The following SPATA6L variants were observed in gnomAD, a reference collection of about 807,000 sequenced individuals.
The protein encoded by SPATA6L is spermatogenesis associated 6-like protein.
SPATA6L carries 68 observed loss-of-function variants against 49.2 expected under a neutral mutation model. The ratio of observed to expected loss-of-function variants is 1.38; its 90% CI spans 1.14 to 1.69. The LOEUF (loss-of-function observed/expected upper bound fraction) is 1.69. Among genes scored for constraint, SPATA6L ranks in the 40% most tolerant of loss-of-function variants. SPATA6L has a pLI of 0.00. For synonymous variants in SPATA6L, 198 were observed against 165.7 expected, an observed-to-expected ratio of 1.19 and a Z score of -1.50; for missense variants, 668 against 464.3, an observed-to-expected ratio of 1.44 and a Z score of -4.03.
At chr9:4,656,741 T>G (rs1206318714) in intron 2 of SPATA6L, among the ~76,000 whole-genome samples, 2 of 152,226 alleles carry the variant, frequency 1.3e-5, no homozygotes, top group Non-Finnish European at 2.9e-5. Context: ...TACTGTTTGT[T>G]GCTAAAAGCC....
At chr9:4,644,677 T>TC (rs1456415507) in intron 3 of SPATA6L, among the ~76,000 whole-genome samples, 187 of 132,880 alleles carry the variant, frequency 1.4e-3, no homozygotes, top group African/African-American at 6.2e-3. Flanking sequence ...TCTCTCTCTC[T>TC]CTCTCTCTCA....
At chr9:4,605,462 G>C in intron 9 of SPATA6L, 22 bp from the exon 10 acceptor site, 1 of 1,566,944 alleles carries the variant, frequency 6.4e-7, no homozygotes. Flanking sequence ...ATGGAACAGG[G>C]TGGAATATTA....
At chr9:4,601,770 G>A (rs189104825) in intron 11 of SPATA6L, among the ~76,000 whole-genome samples, 2 of 152,186 alleles carry the variant, frequency 1.3e-5, no homozygotes, top group African/African-American at 2.4e-5. Flanking sequence ...TGGGTTGTGT[G>A]TGGGGGATGC....
At chr9:4,627,248 G>C (rs1305947462) in intron 5 of SPATA6L, 1 of 154,048 alleles carries the variant, frequency 6.5e-6, no homozygotes, top group Non-Finnish European at 1.4e-5. Flanking sequence ...TGGTAGAATG[G>C]AAGAGAAAGA....
intron 3 of SPATA6L, among the ~76,000 whole-genome samples, chr9:4,649,907 G>C (rs1170840260): frequency 6.6e-6 from 1 of 152,138 alleles, no homozygotes; most frequent in Non-Finnish European, 1.5e-5. Context: ...ATTTAAAGAG[G>C]CTTGAGAGAA....
intron 9 of SPATA6L, among the ~76,000 whole-genome samples, chr9:4,609,984 T>C (rs1408877757): frequency 4.0e-5 from 6 of 151,760 alleles, no homozygotes; most frequent in Non-Finnish European, 5.9e-5. Flanking sequence ...AAATCACAAG[T>C]ATTCTTATAC....
At position 4,626,536 on chromosome 9, in the gene SPATA6L, T is replaced by G. The variant is rs1048518266; in HGVS notation, c.430-970A>C. ...TCTGTGTTCTTGCTGAACCAACATC[T>G]TCCCTTTGTTTCCCCAGCCCTAGGG... On this transcript the variant is annotated intron_variant, in intron 5 of 11. Coordinates refer to ENST00000682582, the MANE Select transcript of SPATA6L (RefSeq NM_001353486.2). 5.4e-6 allele frequency: 7 copies of G among 1,304,050 alleles called. No homozygotes were observed. The Admixed American group carries it at 1.6e-4, about 30-fold the overall frequency. The allele number at this position is 1,304,050 out of a possible 1,614,324, so 80.8% of individuals were successfully genotyped here. A position where few individuals can be genotyped will look rare whatever the true frequency, so the allele number is the denominator to read the frequency against.
intron 3 of SPATA6L, among the ~76,000 whole-genome samples, chr9:4,636,180 G>T: frequency 6.6e-6 from 1 of 151,440 alleles, no homozygotes; most frequent in East Asian, 1.9e-4. Flanking sequence ...AGGAACAATT[G>T]TATTTTGTTT....
chr9:4,632,034 C>CTTTTTTTTTTTTTTT (rs905629115), intron 4 of SPATA6L, among the ~76,000 whole-genome samples: 1 of 113,020 alleles, frequency 8.8e-6, no homozygotes, highest in Non-Finnish European at 1.7e-5. Context: ...ACATCAGCTA[C>CTTTTTTTTTTTTTTT]TTTTTTTTTT....
At chr9:4,648,507 G>A (rs576352187) in intron 3 of SPATA6L, among the ~76,000 whole-genome samples, 1 of 148,498 alleles carries the variant, frequency 6.7e-6, no homozygotes, top group South Asian at 2.1e-4. Flanking sequence ...AGACCATCCT[G>A]GTCTAACTCG....
At chr9:4,603,705 A>AT (rs1823948138) in intron 11 of SPATA6L, among the ~76,000 whole-genome samples, 1 of 152,232 alleles carries the variant, frequency 6.6e-6, no homozygotes, top group Non-Finnish European at 1.5e-5. Context: ...TAAAAATATA[A>AT]TAAGAAATTG....
intron 5 of SPATA6L, chr9:4,628,792 T>C: frequency 3.8e-6 from 1 of 264,848 alleles, no homozygotes; most frequent in Non-Finnish European, 7.0e-6. Flanking sequence ...CAAGTAAATG[T>C]CATAGAACAA....
intron 9 of SPATA6L, among the ~76,000 whole-genome samples, chr9:4,609,276 A>T (rs549398012): frequency 8.6e-4 from 130 of 151,412 alleles, no homozygotes; most frequent in African/African-American, 3.1e-3. Context: ...AAAAGAGGGA[A>T]TCCTCCCTAA....
intron 4 of SPATA6L, among the ~76,000 whole-genome samples, chr9:4,630,727 C>G (rs928163222): frequency 6.6e-6 from 1 of 152,174 alleles, no homozygotes; most frequent in African/African-American, 2.4e-5. Context: ...GAAAAGAAGC[C>G]AACACCTACT....
chr9:4,609,027 A>C (rs1282365421), intron 9 of SPATA6L, among the ~76,000 whole-genome samples: 2 of 151,172 alleles, frequency 1.3e-5, no homozygotes, highest in South Asian at 2.1e-4. Context: ...CCTCTACGCA[A>C]ATAAACTACA....
At chr9:4,635,109 G>A (rs1286703061) in intron 4 of SPATA6L, among the ~76,000 whole-genome samples, 166 bp downstream of exon 4, 1 of 152,120 alleles carries the variant, frequency 6.6e-6, no homozygotes, top group Non-Finnish European at 1.5e-5. Flanking sequence ...ATCAATACTG[G>A]AAATCAGTAT....
chr9:4,655,551 T>C (rs137970029), intron 3 of SPATA6L, among the ~76,000 whole-genome samples: 3,343 of 150,754 alleles, frequency 0.022, 111 homozygotes, highest in African/African-American at 0.077. Flanking sequence ...TTTGTTTTTT[T>C]GTTGTTTTTT....
Position 4,662,558 on chromosome 9 carries a change from G to C in SPATA6L, c.40-522C>G, listed in dbSNP as rs754846769. 22 of 1,581,248 alleles carry C rather than the reference G, an allele frequency of 1.4e-5. No homozygotes were observed. The highest frequency in any genetic ancestry group is 1.9e-5 in the Non-Finnish European group (22 of 1,172,570). On this transcript the variant is annotated intron_variant, in intron 1 of 11. Coordinates refer to ENST00000682582, the MANE Select transcript of SPATA6L (RefSeq NM_001353486.2). This position sits in a 1 kb window ranked among gnomAD's most constrained non-coding sequence, Gnocchi z 4.9. The stretch of plus-strand genomic sequence containing the variant: ...CCACCTGCGCCCGGCTCCGTGCATC[G>C]GAGAGCCCAGTTCACCGCCGCGGCT...
intron 6 of SPATA6L, among the ~76,000 whole-genome samples, chr9:4,622,956 G>A (rs1829660983): frequency 6.7e-6 from 1 of 149,944 alleles, no homozygotes; most frequent in Non-Finnish European, 1.5e-5. Context: ...TTCCTCTCTG[G>A]TCCGAGTATC....
Sources: gnomAD v4.1 joint callset for allele counts (sites outside exome capture counted in the v4.1 genomes callset) on GRCh38, gnomAD v4.1.1 for gene constraint, Gnocchi (gnomAD v3.1) non-coding constraint, MANE v1.5 for transcripts, NCBI Gene and HGNC (gene_info 2026-07-23, HGNC 2026-07-21) for gene names.